CDADC1: variants seen among roughly 807,000 people sequenced by gnomAD.
The protein encoded by CDADC1 is cytidine and dCMP deaminase domain containing 1.
In CDADC1, 39 loss-of-function variants were observed where a neutral mutation model predicts 54.9. That is an observed-to-expected ratio of 0.71 (90% CI 0.55 to 0.93). The LOEUF (loss-of-function observed/expected upper bound fraction) is 0.93. CDADC1 is among the 40% of genes least tolerant of loss of function. The probability of loss-of-function intolerance (pLI) is 0.00; values close to 1 mark genes in which losing one functional copy is unlikely to be tolerated. For synonymous variants in CDADC1, 186 were observed against 204.0 expected (o/e 0.91, Z 0.75); for missense variants, 518 against 618.8 (o/e 0.84, Z 1.73).
intron 8 of CDADC1, among the ~76,000 whole-genome samples, chr13:49,281,140 C>T (rs7320595): frequency 0.3 from 44,909 of 151,976 alleles, 6,762 homozygotes; most frequent in East Asian, 0.5. Context: ...GGCCGAGTTT[C>T]AACAAATTAT....
At position 49,249,656 on chromosome 13, in the gene CDADC1, C is replaced by T. The variant is rs376090564; in HGVS notation, c.177+691C>T. Among the ~76,000 whole-genome samples, 142 of 152,158 alleles carry T rather than the reference C, an allele frequency of 9.3e-4. 1 individual carries two copies. The highest frequency in any genetic ancestry group is 3.4e-3 in the Middle Eastern group (1 of 294). On this transcript the variant is annotated intron_variant, in intron 2 of 9. Transcript: ENST00000251108. ...GGCTGAGGCATGAGAATCGCTTGAA[C>T]GAATCGTTGGAGGTTACAGTGAGCT...
In CDADC1 at chr13:49,247,948, C is replaced by T; in HGVS notation, c.-90C>T. ...CTAGTGGGCCGTTGCCTTACAGTTG[C>T]TGAGAGGAGGCGAGAGGCGGGGGCG... On this transcript the variant is annotated 5_prime_UTR_variant, in exon 1 of 10. Transcript: ENST00000251108. 8.3e-7 allele frequency: 1 copy of T among 1,208,176 alleles called. No individual in the cohort carries two copies. Among genetic ancestry groups the T allele is most frequent in the African/African-American group, 1.5e-5 (1 of 66,666 alleles). 74.8% of individuals were successfully genotyped at this position (1,208,176 alleles called of 1,614,324 possible).
At chr13:49,289,120 CTTTTTTTTTTTTT>C (rs66814830) in intron 9 of CDADC1, among the ~76,000 whole-genome samples, 2 of 60,990 alleles carry the variant, frequency 3.3e-5, no homozygotes, top group East Asian at 5.7e-4. Context: ...TTTTTTTTTG[CTTTTTTTTTTTTT>C]TTTTTTTTTT....
intron 2 of CDADC1, among the ~76,000 whole-genome samples, chr13:49,252,598 GA>G (rs1952460409): frequency 6.6e-6 from 1 of 152,184 alleles, no homozygotes; most frequent in Non-Finnish European, 1.5e-5. Context: ...AATACAGAAT[GA>G]AAGGGAGCAT....
intron 4 of CDADC1, among the ~76,000 whole-genome samples, chr13:49,265,256 G>A (rs894154971): frequency 3.3e-5 from 5 of 152,120 alleles, no homozygotes; most frequent in African/African-American, 1.2e-4. Context: ...AAAAATGTTA[G>A]AAATGTCTTC....
chr13:49,255,045 A>G (rs1593791326), intron 2 of CDADC1, among the ~76,000 whole-genome samples: 1 of 152,226 alleles, frequency 6.6e-6, no homozygotes, highest in Non-Finnish European at 1.5e-5. Flanking sequence ...GAGGTCTGAA[A>G]TGAGCCTTAC....
intron 7 of CDADC1, 44 bp downstream of exon 7, chr13:49,278,563 G>A (rs778222525): frequency 2.3e-6 from 3 of 1,291,346 alleles, no homozygotes; most frequent in Non-Finnish European, 3.2e-6. Context: ...AATGTAGCAA[G>A]GGTTGGTTGA....
chr13:49,256,128 C>G (rs561388421), intron 3 of CDADC1, among the ~76,000 whole-genome samples: 1 of 139,184 alleles, frequency 7.2e-6, no homozygotes, highest in East Asian at 2.0e-4. Flanking sequence ...CTACATCTTG[C>G]TTTAAAAAAA....
rs80307755 is a variant in CDADC1, at chr13:49,273,414, C to T, written c.1001-877C>T. 2.2e-4 allele frequency among the ~76,000 whole-genome samples: 34 copies of T among 152,288 alleles called. No individual in the cohort carries two copies. The East Asian group carries it at 6.6e-3, about 29-fold the overall frequency. Reference sequence around the variant, plus strand: ...AGATTTTGATAAATACTATGGTTTTCATAATTAGTGTAATTTGTCTTAGAA... The same window carrying T: ...AGATTTTGATAAATACTATGGTTTTTATAATTAGTGTAATTTGTCTTAGAA... On this transcript the variant is annotated intron_variant, in intron 5 of 9. Coordinates refer to ENST00000251108, the MANE Select transcript of CDADC1 (RefSeq NM_030911.4).
At chr13:49,277,325 G>A (rs988139180) in intron 6 of CDADC1, among the ~76,000 whole-genome samples, 2 of 151,956 alleles carry the variant, frequency 1.3e-5, no homozygotes, top group Non-Finnish European at 2.9e-5. Context: ...GAAAAAATTA[G>A]CCAGGCATAG....
chr13:49,252,874 A>C (rs1204422466), intron 2 of CDADC1, among the ~76,000 whole-genome samples: 1 of 152,206 alleles, frequency 6.6e-6, no homozygotes, highest in African/African-American at 2.4e-5. Flanking sequence ...TGCATGTAGT[A>C]TATGCTGCCA....
intron 7 of CDADC1, among the ~76,000 whole-genome samples, 198 bp downstream of exon 7, chr13:49,278,717 C>G (rs1200973831): frequency 1.3e-5 from 2 of 152,178 alleles, no homozygotes; most frequent in Admixed American, 1.3e-4. Flanking sequence ...CTCTTCAGGT[C>G]TTCCCAATTT....
intron 2 of CDADC1, 66 bp from the exon 3 acceptor site, chr13:49,255,773 G>C: frequency 6.4e-7 from 1 of 1,571,030 alleles, no homozygotes; most frequent in Non-Finnish European, 8.6e-7. Flanking sequence ...TTAAATATGG[G>C]AATATTGAAT....
chr13:49,277,251 C>T (rs1189349967), intron 6 of CDADC1, among the ~76,000 whole-genome samples: 2 of 151,686 alleles, frequency 1.3e-5, no homozygotes, highest in African/African-American at 4.8e-5. Flanking sequence ...TGGGAGGATT[C>T]CTTGAGCCCA....
chr13:49,281,919 A>AC (rs371274966), intron 8 of CDADC1, among the ~76,000 whole-genome samples: 2 of 75,584 alleles, frequency 2.6e-5, no homozygotes, highest in African/African-American at 1.0e-4. Context: ...TGCTACCCCC[A>AC]CCCCCCTCCC....
chr13:49,278,252 TATTC>T, intron 6 of CDADC1, 94 bp from the exon 7 acceptor site: 1 of 814,084 alleles, frequency 1.2e-6, no homozygotes, highest in Non-Finnish European at 1.8e-6. Flanking sequence ...ATTGAATGAA[TATTC>T]ATTATACAAA....
intron 8 of CDADC1, 136 bp downstream of exon 8, chr13:49,280,834 T>TTATTATTATTATTAG (rs1953304823): frequency 5.9e-6 from 1 of 170,498 alleles, no homozygotes; most frequent in African/African-American, 3.1e-5. Context: ...ATTATTATTA[T>TTATTATTATTATTAG]TTTATTATTA....
rs188807906 is a variant in CDADC1, at chr13:49,247,989, T to A, written c.-49T>A. ...GGCGGGGGCGCTAGGGCCGAGATCA[T>A]GTCTGACTGGGAGAGGTTTCCTTGG... On this transcript the variant is annotated 5_prime_UTR_variant, in exon 1 of 10. It removes an upstream start codon present in the reference 5' UTR. Transcript: ENST00000251108. 5 of 1,513,704 alleles carry A rather than the reference T, an allele frequency of 3.3e-6. No homozygotes were observed. Among genetic ancestry groups the A allele is most frequent in the Non-Finnish European group, 4.5e-6 (5 of 1,112,870 alleles). The allele number at this position is 1,513,704 out of a possible 1,614,324, so 93.8% of individuals were successfully genotyped here. A position where few individuals can be genotyped will look rare whatever the true frequency, so the allele number is the denominator to read the frequency against.
In CDADC1 at chr13:49,255,271, T is replaced by C. The variant is rs1227606226; in HGVS notation, c.178-568T>C. On this transcript the variant is annotated intron_variant, in intron 2 of 9. Coordinates refer to ENST00000251108, the MANE Select transcript of CDADC1 (RefSeq NM_030911.4). ...ACTCATAATGACCCTTGTGATAACA[T>C]CGGGCCAATCAGATAATCAAGGATA... Among the ~76,000 whole-genome samples the C allele has an allele frequency of 5.3e-5, 8 of 152,190 alleles. 1 individual carries two copies. The highest frequency in any genetic ancestry group is 5.2e-4 in the Admixed American group (8 of 15,288).
Sources: gnomAD v4.1 joint callset for allele counts (sites outside exome capture counted in the v4.1 genomes callset) on GRCh38, gnomAD v4.1.1 for gene constraint, MANE v1.5 for transcripts, NCBI Gene and HGNC (gene_info 2026-07-23, HGNC 2026-07-21) for gene names.